Variants in SLC3A2 observed in about 807,000 individuals in gnomAD.
SLC3A2 encodes the protein amino acid transporter heavy chain SLC3A2.
In SLC3A2, 32 loss-of-function variants were observed where a neutral mutation model predicts 48.5. The ratio of observed to expected loss-of-function variants is 0.66; its 90% CI spans 0.50 to 0.89. SLC3A2 has a LOEUF of 0.89. Among genes scored for constraint, SLC3A2 ranks in the 40% least tolerant of loss-of-function variants. The pLI is 0.00. For synonymous variants in SLC3A2, 277 were observed against 288.8 expected (o/e 0.96, Z 0.41); for missense variants, 587 against 680.7 (o/e 0.86, Z 1.53).
chr11:62,869,064 A>T (rs1050638854), intron 1 of SLC3A2, among the ~76,000 whole-genome samples: 2 of 151,606 alleles, frequency 1.3e-5, no homozygotes, highest in Non-Finnish European at 2.9e-5. Context: ...ACGCCCCGCT[A>T]ATTTTTGTAT....
In SLC3A2 at chr11:62,884,490, G is replaced by A. The variant is rs768254668; in HGVS notation, c.724G>A (p.Asp242Asn). Residue 242 changes from aspartate (D) to asparagine (N), a missense_variant, in exon 4 of 9, where the codon GAT becomes AAT. Around this residue, in one of 3 missense-constraint regions of SLC3A2, gnomAD observed 409 missense variants for 446.7 expected, o/e 0.92. Coordinates refer to ENST00000338663, the MANE Select transcript of SLC3A2 (RefSeq NM_001013251.3). ...GGAGTTTTGGCTGCAAGCTGGCGTGGATGGGTTCCAGGTTCGGGACATAGA... is the reference window on the plus strand; with the variant it reads ...GGAGTTTTGGCTGCAAGCTGGCGTGAATGGGTTCCAGGTTCGGGACATAGA... ...ALEFWLQAGV[D>N]GFQVRDIENL... 3 of 1,614,084 alleles carry A rather than the reference G, an allele frequency of 1.9e-6. No individual in the cohort carries two copies. In the Admixed American group the frequency reaches 5.0e-5, roughly 27 times the overall value.
intron 5 of SLC3A2, 123 bp downstream of exon 5, chr11:62,884,813 CTTTTTTTTTTTTTTTTTTTT>C (rs541507991): frequency 3.6e-4 from 20 of 56,008 alleles, no homozygotes; most frequent in Middle Eastern, 0.011. Context: ...CTTTCTTTAG[CTTTTTTTTTTTTTTTTTTTT>C]TTTTTTTTTT....
chr11:62,878,158 C>CAA (rs1231829472), upstream of SLC3A2, among the ~76,000 whole-genome samples: 20 of 116,506 alleles, frequency 1.7e-4, no homozygotes, highest in African/African-American at 3.3e-4. Flanking sequence ...GACCCTGTCT[C>CAA]AAAAAAAAAA....
intron 1 of SLC3A2, among the ~76,000 whole-genome samples, chr11:62,861,586 TTCTCCACACTGTAGTCAGAGTGA>T (rs1430917908): frequency 1.4e-4 from 22 of 152,138 alleles, no homozygotes; most frequent in African/African-American, 5.3e-4. Context: ...TTCTAGTTCA[TTCTCCACACTGTAGTCAGAGTGA>T]TCTTTACGAA....
chr11:62,873,096 A>G (rs1003856251), intron 1 of SLC3A2, among the ~76,000 whole-genome samples: 3 of 151,514 alleles, frequency 2.0e-5, no homozygotes, highest in South Asian at 2.1e-4. Flanking sequence ...ATCTCAGCTT[A>G]CTGCACCCTC....
intron 2 of SLC3A2, chr11:62,882,374 A>G (rs1003065792): frequency 2.4e-5 from 8 of 336,140 alleles, no homozygotes; most frequent in African/African-American, 6.4e-5. Flanking sequence ...GGGGGGGGGA[A>G]TCCCAAATAT....
intron 5 of SLC3A2, 93 bp downstream of exon 5, chr11:62,884,783 G>T: frequency 1.9e-6 from 1 of 531,398 alleles, no homozygotes; most frequent in African/African-American, 2.3e-5. Context: ...CTAGTCTAGA[G>T]CATTTTCTTT....
chr11:62,882,620 T>G lies in SLC3A2; in HGVS notation c.599-288T>G, dbSNP rs562373687. 517 of 367,344 alleles carry G rather than the reference T, an allele frequency of 1.4e-3. 2 individuals carry two copies. The highest frequency in any genetic ancestry group is 8.8e-3 in the African/African-American group (423 of 47,872). 22.8% of individuals were successfully genotyped at this position (367,344 alleles called of 1,614,324 possible). Reference sequence around the variant, plus strand: ...GTGCCTCAGCCTCCTGAGTAGCTGGTACTACAGCCGTGTGCCACCACACCC... The same window carrying G: ...GTGCCTCAGCCTCCTGAGTAGCTGGGACTACAGCCGTGTGCCACCACACCC... On this transcript the variant is annotated intron_variant, in intron 2 of 8. Coordinates refer to ENST00000338663, the MANE Select transcript of SLC3A2 (RefSeq NM_001013251.3).
At chr11:62,866,225 C>G (rs934874296) in intron 1 of SLC3A2, among the ~76,000 whole-genome samples, 4 of 151,006 alleles carry the variant, frequency 2.6e-5, no homozygotes, top group African/African-American at 9.8e-5. Flanking sequence ...TCAAGAGATT[C>G]TTCTGCCTCG....
intron 1 of SLC3A2, among the ~76,000 whole-genome samples, chr11:62,856,574 G>C (rs1178453897): frequency 6.6e-6 from 1 of 152,148 alleles, no homozygotes; most frequent in Non-Finnish European, 1.5e-5. Context: ...AACATTTATG[G>C]AGCACCGTTT....
chr11:62,863,195 A>G (rs930897071), intron 1 of SLC3A2, among the ~76,000 whole-genome samples: 4 of 152,174 alleles, frequency 2.6e-5, no homozygotes, highest in African/African-American at 9.7e-5. Context: ...TGCTGGGATT[A>G]CAGGCGTGAG....
chr11:62,859,303 T>C (rs2134969052), intron 1 of SLC3A2, among the ~76,000 whole-genome samples: 1 of 152,286 alleles, frequency 6.6e-6, no homozygotes, highest in East Asian at 1.9e-4. Context: ...CCTTAATCCA[T>C]TGAACCCTGA....
chr11:62,880,778 C>A, upstream of SLC3A2: 1 of 613,316 alleles, frequency 1.6e-6, no homozygotes. Context: ...GAGGCGTGTT[C>A]CTGACTTTAC....
chr11:62,869,291 G>A (rs2085485320), intron 1 of SLC3A2, among the ~76,000 whole-genome samples: 1 of 151,816 alleles, frequency 6.6e-6, no homozygotes, highest in African/African-American at 2.4e-5. Flanking sequence ...TTGGGAGGCC[G>A]AGATGGGCGG....
intron 1 of SLC3A2, chr11:62,871,711 G>T: frequency 1.8e-6 from 1 of 553,194 alleles, no homozygotes. Flanking sequence ...CTATCTGGTA[G>T]AATTTGTCTT....
At chr11:62,856,150 G>C (rs2085315699) in exon 1 of SLC3A2, 2 of 720,428 alleles carry the variant, frequency 2.8e-6, no homozygotes, top group African/African-American at 3.6e-5. Flanking sequence ...TGTGGCAGGA[G>C]CGGTGAGATC....
At chr11:62,865,068 T>C (rs2085439055) in intron 1 of SLC3A2, among the ~76,000 whole-genome samples, 1 of 152,194 alleles carries the variant, frequency 6.6e-6, no homozygotes, top group Non-Finnish European at 1.5e-5. Flanking sequence ...TTTCCAGGTC[T>C]CAATGTCAGC....
rs371712235 is a variant in SLC3A2, at chr11:62,880,997, C to A, written c.-27C>A. The A allele has an allele frequency of 1.3e-5, 20 of 1,539,050 alleles. No individual in the cohort carries two copies. The East Asian group carries it at 4.5e-4, about 35-fold the overall frequency. On this transcript the variant is annotated 5_prime_UTR_variant, in exon 1 of 9. Coordinates refer to ENST00000338663, the MANE Select transcript of SLC3A2 (RefSeq NM_001013251.3). The stretch of plus-strand genomic sequence containing the variant: ...TGAGCCACCATCTGACCGCAAGCTG[C>A]GTCGTGTCGCCGGTTCTGCAGGCAC...
intron 1 of SLC3A2, chr11:62,871,662 G>A (rs1313358231): frequency 1.6e-6 from 1 of 638,410 alleles, no homozygotes; most frequent in South Asian, 1.8e-5. Context: ...AGAATGCTGA[G>A]GTTACAGGTA....
Sources: gnomAD v4.1 joint callset for allele counts (sites outside exome capture counted in the v4.1 genomes callset) on GRCh38, gnomAD v4.1.1 for gene constraint, gnomAD v4.1.1 regional missense constraint, MANE v1.5 for transcripts, NCBI Gene and HGNC (gene_info 2026-07-23, HGNC 2026-07-21) for gene names.